URI1: variants seen among roughly 807,000 people sequenced by gnomAD.
The protein encoded by URI1 is URI1 prefoldin like chaperone.
Under a neutral mutation model 60.2 loss-of-function variants are expected in URI1, and 39 were observed. The ratio of observed to expected loss-of-function variants is 0.65; its 90% confidence interval spans 0.50 to 0.85. URI1 has a LOEUF of 0.85. URI1 is among the 40% of genes least tolerant of loss of function. The probability of loss-of-function intolerance (pLI) is 0.00; values close to 1 mark genes in which losing one functional copy is unlikely to be tolerated. For synonymous variants in URI1, 251 were observed against 236.8 expected (o/e 1.06, Z -0.55); for missense variants, 691 against 665.9 (o/e 1.04, Z -0.42).
At chr19:29,968,291 A>C (rs1249223068) in intron 1 of URI1, among the ~76,000 whole-genome samples, 1 of 152,106 alleles carries the variant, frequency 6.6e-6, no homozygotes, top group Non-Finnish European at 1.5e-5. Context: ...AATAAACAAA[A>C]ACTAGTTTTG....
intron 2 of URI1, among the ~76,000 whole-genome samples, chr19:29,977,859 G>A (rs552618697): frequency 2.6e-5 from 4 of 151,996 alleles, no homozygotes; most frequent in African/African-American, 9.6e-5. Flanking sequence ...TTTTAAATCT[G>A]AGTTAGGTTT....
At chr19:30,001,299 T>C (rs776732076) in intron 4 of URI1, among the ~76,000 whole-genome samples, 6 of 151,942 alleles carry the variant, frequency 3.9e-5, no homozygotes, top group Admixed American at 6.6e-5. Flanking sequence ...GGATTTAAGG[T>C]AGCAAGCTGA....
intron 2 of URI1, 71 bp from the exon 3 acceptor site, chr19:29,985,152 A>ATCGAT: frequency 2.9e-6 from 1 of 343,082 alleles, no homozygotes; most frequent in Non-Finnish European, 5.0e-6. Context: ...AAAAAAAAAA[A>ATCGAT]AAAAAAAAAA....
chr19:30,003,421 C>G (rs2055901748), intron 4 of URI1, among the ~76,000 whole-genome samples: 1 of 151,980 alleles, frequency 6.6e-6, no homozygotes, highest in Non-Finnish European at 1.5e-5. Context: ...TTCTGAGATT[C>G]TGATATAAAG....
At chr19:30,005,527 G>T in intron 5 of URI1, 75 bp downstream of exon 5, 1 of 1,487,528 alleles carries the variant, frequency 6.7e-7, no homozygotes, top group South Asian at 1.3e-5. Context: ...TTACAGCCAA[G>T]GAACAAATTA....
intron 1 of URI1, among the ~76,000 whole-genome samples, chr19:29,970,607 T>C (rs1306829020): frequency 6.6e-6 from 1 of 152,088 alleles, no homozygotes; most frequent in Non-Finnish European, 1.5e-5. Context: ...CTTACAGTCT[T>C]GATCATAATT....
chr19:30,008,820 G>A (rs2055977238), intron 7 of URI1, among the ~76,000 whole-genome samples, 185 bp from the exon 8 acceptor site: 1 of 152,122 alleles, frequency 6.6e-6, no homozygotes, highest in Admixed American at 6.6e-5. Context: ...ATATATAGAA[G>A]CAGCATAGGA....
intron 2 of URI1, among the ~76,000 whole-genome samples, chr19:29,981,592 A>T (rs974518174): frequency 6.6e-5 from 10 of 152,084 alleles, no homozygotes; most frequent in African/African-American, 2.4e-4. Context: ...CCTTATACCT[A>T]TGCTTTTAGT....
upstream of URI1, among the ~76,000 whole-genome samples, chr19:29,940,383 T>G (rs1319068720): frequency 6.6e-6 from 1 of 152,154 alleles, no homozygotes; most frequent in African/African-American, 2.4e-5. Context: ...GCGTGGTGGC[T>G]CTTGCCTGTA....
intron 1 of URI1, among the ~76,000 whole-genome samples, chr19:29,963,073 C>T (rs1175347522): frequency 6.6e-6 from 1 of 152,180 alleles, no homozygotes; most frequent in Non-Finnish European, 1.5e-5. Flanking sequence ...GTTTTCATCA[C>T]TGTTAACTAT....
At chr19:30,011,013 T>G (rs1250382311) in intron 8 of URI1, 81 bp from the exon 9 acceptor site, 1 of 1,446,712 alleles carries the variant, frequency 6.9e-7, no homozygotes, top group East Asian at 2.4e-5. Flanking sequence ...ATTATTTTTT[T>G]AGTTATAGAG....
chr19:29,924,812 C>A (rs1470611823), intron 1 of URI1, among the ~76,000 whole-genome samples: 1 of 152,216 alleles, frequency 6.6e-6, no homozygotes, highest in Non-Finnish European at 1.5e-5. Flanking sequence ...TCCAGGCTCT[C>A]TGAACCCCCT....
chr19:29,924,519 T>C (rs1184392973), intron 1 of URI1, among the ~76,000 whole-genome samples: 1 of 152,206 alleles, frequency 6.6e-6, no homozygotes, highest in African/African-American at 2.4e-5. Flanking sequence ...CCCCTTGATT[T>C]CTTTCTGAGG....
intron 1 of URI1, among the ~76,000 whole-genome samples, chr19:29,925,037 T>C (rs2054854246): frequency 6.6e-6 from 1 of 152,194 alleles, no homozygotes; most frequent in African/African-American, 2.4e-5. Context: ...GGTTTCACCA[T>C]GTTGGCCAGG....
intron 1 of URI1, among the ~76,000 whole-genome samples, chr19:29,936,472 CCT>C (rs2054973618): frequency 6.6e-6 from 1 of 152,152 alleles, no homozygotes; most frequent in African/African-American, 2.4e-5. Context: ...ACAAGTTGTT[CCT>C]CTCTTGCTGC....
chr19:29,982,540 A>C lies in URI1; in HGVS notation c.153-2683A>C, dbSNP rs527437865. On this transcript the variant is annotated intron_variant, in intron 2 of 10. Coordinates refer to ENST00000392271, the MANE Select transcript of URI1 (RefSeq NM_003796.3). ...GTATTTAGTCCTTGAGCATTTGCAG[A>C]ATTACTTATCTGAAACATAAATAAG... Among the ~76,000 whole-genome samples the C allele has an allele frequency of 1.5e-3, 236 of 152,292 alleles. 1 individual carries two copies. Among genetic ancestry groups the C allele is most frequent in the African/African-American group, 5.1e-3 (212 of 41,556 alleles).
intron 1 of URI1, 127 bp from the exon 2 acceptor site, chr19:29,971,066 A>G (rs755190640): frequency 1.1e-6 from 1 of 886,636 alleles, no homozygotes; most frequent in Non-Finnish European, 1.8e-6. Context: ...GCATTTGACA[A>G]ATAAAAATGT....
intron 2 of URI1, among the ~76,000 whole-genome samples, chr19:29,976,906 T>G (rs746794152): frequency 1.3e-5 from 2 of 152,170 alleles, no homozygotes; most frequent in Non-Finnish European, 2.9e-5. Context: ...TACTTTAAAT[T>G]TAGACATAAA....
At chr19:29,929,317 C>T in intron 1 of URI1, among the ~76,000 whole-genome samples, 1 of 151,408 alleles carries the variant, frequency 6.6e-6, no homozygotes, top group African/African-American at 2.4e-5. Flanking sequence ...AAATTTAAGG[C>T]TGGGTGCGGT....
Sources: allele counts gnomAD v4.1 joint callset (sites outside exome capture counted in the v4.1 genomes callset), GRCh38; gene constraint gnomAD v4.1.1; transcripts MANE v1.5; gene names NCBI Gene and HGNC (gene_info 2026-07-23, HGNC 2026-07-21).